Variants in DLGAP1 observed in about 807,000 individuals in gnomAD.
DLGAP1 encodes DLG associated protein 1, also known as disks large-associated protein 1.
A neutral mutation model predicts 90.8 loss-of-function variants in DLGAP1; 11 were observed. The observed-to-expected ratio is 0.12, with a 90% CI of 0.08 to 0.20. DLGAP1 has a LOEUF of 0.20. DLGAP1 is among the 10% of genes least tolerant of loss of function. The probability of loss-of-function intolerance (pLI) is 1.00; values close to 1 mark genes in which losing one functional copy is unlikely to be tolerated. For synonymous variants in DLGAP1, 558 were observed against 540.7 expected, an observed-to-expected ratio of 1.03 and a Z score of -0.44; for missense variants, 1,050 against 1,333.8, an observed-to-expected ratio of 0.79 and a Z score of 3.31.
Position 3,816,827 on chromosome 18 carries a change from G to A in DLGAP1, c.958-2554C>T, listed in dbSNP as rs1449401380. ...AATGCTCCTTGTCTTTCTAGGCTGT[G>A]CTTTGTGGCACCTGCAGAACTGAGC... On this transcript the variant is annotated intron_variant, in intron 4 of 12. Transcript: ENST00000315677. Among the ~76,000 whole-genome samples, 4 of 152,158 alleles carry A rather than the reference G, an allele frequency of 2.6e-5. No homozygotes were observed. In the East Asian group the frequency reaches 7.7e-4, roughly 29 times the overall value.
intron 1 of DLGAP1, among the ~76,000 whole-genome samples, chr18:4,217,005 C>T (rs904532540): frequency 1.3e-5 from 2 of 152,024 alleles, no homozygotes; most frequent in Non-Finnish European, 2.9e-5. Context: ...AGTTTCACTG[C>T]CCTAAATATC....
At chr18:4,369,149 T>C (rs1035158033) in intron 1 of DLGAP1, among the ~76,000 whole-genome samples, 1 of 152,244 alleles carries the variant, frequency 6.6e-6, no homozygotes, top group African/African-American at 2.4e-5. Flanking sequence ...CCTCTCCTTA[T>C]ATCTGAGATG....
At chr18:4,098,363 T>C (rs1012511439) in intron 2 of DLGAP1, among the ~76,000 whole-genome samples, 1 of 152,200 alleles carries the variant, frequency 6.6e-6, no homozygotes, top group Non-Finnish European at 1.5e-5. Context: ...AATCAACAAA[T>C]ATTTATTATA....
intron 1 of DLGAP1, among the ~76,000 whole-genome samples, chr18:4,210,485 C>T (rs1243364229): frequency 6.6e-6 from 1 of 152,104 alleles, no homozygotes; most frequent in Non-Finnish European, 1.5e-5. Context: ...CTCATTTATG[C>T]TGAGCTAGGA....
At chr18:3,900,915 C>T (rs554798568) in intron 3 of DLGAP1, among the ~76,000 whole-genome samples, 3 of 152,254 alleles carry the variant, frequency 2.0e-5, no homozygotes, top group African/African-American at 4.8e-5. Context: ...ATCTCCCCCT[C>T]GACCTCGTTA....
At chr18:3,893,884 A>AT (rs1337084312) in intron 3 of DLGAP1, among the ~76,000 whole-genome samples, 3 of 151,936 alleles carry the variant, frequency 2.0e-5, no homozygotes, top group Non-Finnish European at 1.5e-5. Context: ...AACGTCTGTT[A>AT]TTTTTTGATT....
At chr18:4,205,958 G>A (rs137977354) in intron 1 of DLGAP1, among the ~76,000 whole-genome samples, 5 of 152,120 alleles carry the variant, frequency 3.3e-5, no homozygotes, top group African/African-American at 4.8e-5. Context: ...ACTGTTTAGC[G>A]ATTCACCTGA....
chr18:4,077,261 G>A (rs778222367), intron 2 of DLGAP1, among the ~76,000 whole-genome samples: 15 of 152,192 alleles, frequency 9.9e-5, no homozygotes, highest in Non-Finnish European at 1.9e-4. Context: ...ACTCTAAGTA[G>A]AGAAGAGCCA....
intron 1 of DLGAP1, among the ~76,000 whole-genome samples, chr18:4,326,309 A>T (rs1452118841): frequency 6.6e-6 from 1 of 152,080 alleles, no homozygotes; most frequent in Non-Finnish European, 1.5e-5. Context: ...TGTCTCACAG[A>T]TGTCAGAATG....
intron 2 of DLGAP1, among the ~76,000 whole-genome samples, chr18:4,150,475 G>A (rs2076656883): frequency 6.6e-6 from 1 of 151,914 alleles, no homozygotes; most frequent in Admixed American, 6.6e-5. Flanking sequence ...ACTGCAACCT[G>A]TGCCTTCCAG....
chr18:3,623,197 T>A (rs1249999305), intron 7 of DLGAP1, among the ~76,000 whole-genome samples: 4 of 152,134 alleles, frequency 2.6e-5, no homozygotes, highest in Non-Finnish European at 5.9e-5. Flanking sequence ...ACAGGCATGC[T>A]AAAAGCATTG....
At chr18:3,502,426 C>G in intron 12 of DLGAP1, 67 bp downstream of exon 12, 2 of 1,602,496 alleles carry the variant, frequency 1.2e-6, no homozygotes, top group Non-Finnish European at 1.7e-6. Flanking sequence ...AATGCAGAAG[C>G]CTATTTAGAC....
intron 1 of DLGAP1, among the ~76,000 whole-genome samples, chr18:4,336,746 C>T (rs1291569308): frequency 6.6e-6 from 1 of 152,088 alleles, no homozygotes; most frequent in Non-Finnish European, 1.5e-5. Context: ...AAAGGAGCTT[C>T]AATGAATAAA....
intron 3 of DLGAP1, among the ~76,000 whole-genome samples, chr18:3,912,968 G>T (rs948844174): frequency 6.6e-6 from 1 of 152,070 alleles, no homozygotes; most frequent in Non-Finnish European, 1.5e-5. Flanking sequence ...TTTGGTGTAA[G>T]TTTTTGTTTG....
chr18:4,393,318 C>G (rs1018943015), intron 1 of DLGAP1, among the ~76,000 whole-genome samples: 1 of 152,210 alleles, frequency 6.6e-6, no homozygotes, highest in Admixed American at 6.5e-5. Context: ...GCCTCTCTCT[C>G]TCACTATGCT....
At chr18:4,232,492 T>C (rs1292457860) in intron 1 of DLGAP1, among the ~76,000 whole-genome samples, 2 of 152,160 alleles carry the variant, frequency 1.3e-5, no homozygotes, top group East Asian at 1.9e-4. Context: ...AATGAATGTG[T>C]CATTTTATGA....
At chr18:4,025,595 T>G (rs988420699) in intron 2 of DLGAP1, among the ~76,000 whole-genome samples, 1 of 152,164 alleles carries the variant, frequency 6.6e-6, no homozygotes, top group African/African-American at 2.4e-5. Flanking sequence ...CTAAAGGCCC[T>G]TTTCATTTTA....
rs372031625 is a variant in DLGAP1, at chr18:4,278,144, GT to G, written c.-266-126858del. ...ATCTATAGTTTTTTAAATACAGCAT[GT>G]TATGTGAGTTAAATATGTATACAAA... On this transcript the variant is annotated intron_variant, in intron 1 of 12. Transcript: ENST00000315677. Among the ~76,000 whole-genome samples, 10 of 152,184 alleles carry G rather than the reference GT, an allele frequency of 6.6e-5. No individual in the cohort carries two copies. In the East Asian group the frequency reaches 1.2e-3, roughly 18 times the overall value.
intron 3 of DLGAP1, among the ~76,000 whole-genome samples, chr18:3,881,547 C>T (rs903601008): frequency 1.8e-4 from 28 of 152,136 alleles, no homozygotes; most frequent in African/African-American, 4.8e-4. Flanking sequence ...TTATGTACCC[C>T]GACCTAGTGT....
Sources: gnomAD v4.1 joint callset for allele counts (sites outside exome capture counted in the v4.1 genomes callset) on GRCh38, gnomAD v4.1.1 for gene constraint, MANE v1.5 for transcripts, NCBI Gene and HGNC (gene_info 2026-07-23, HGNC 2026-07-21) for gene names.